The following INSYN2B variants were observed in gnomAD, a reference collection of about 807,000 sequenced individuals.
The protein encoded by INSYN2B is inhibitory synaptic factor family member 2B.
A neutral mutation model predicts 41.2 loss-of-function variants in INSYN2B; 16 were observed. The ratio of observed to expected loss-of-function variants is 0.39; its 90% CI spans 0.26 to 0.59. The LOEUF is 0.59. Ranked by LOEUF, INSYN2B falls within the 20% of genes least tolerant of loss-of-function variation. The probability of loss-of-function intolerance (pLI) is 0.57; values close to 1 mark genes in which losing one functional copy is unlikely to be tolerated. For synonymous variants in INSYN2B, 245 were observed against 244.4 expected (o/e 1.00, Z -0.02); for missense variants, 608 against 646.4 (o/e 0.94, Z 0.64).
In INSYN2B at chr5:169,862,498, G is replaced by A. The variant is rs1771267847; in HGVS notation, c.*1775C>T. 2.0e-5 allele frequency among the ~76,000 whole-genome samples: 3 copies of A among 150,210 alleles called. No homozygotes were observed. Among genetic ancestry groups the A allele is most frequent in the Admixed American group, 2.0e-4 (3 of 15,148 alleles). On this transcript the variant is annotated 3_prime_UTR_variant, in exon 4 of 4. Coordinates refer to ENST00000377365, the MANE Select transcript of INSYN2B (RefSeq NM_001129891.3). ...GGGGCCAACTGACAGTTGATCGTAT[G>A]GATACAGGAAAAAAAAAATCTGTGG...
intron 1 of INSYN2B, among the ~76,000 whole-genome samples, chr5:169,923,990 G>T (rs931228829): frequency 2.6e-5 from 4 of 152,224 alleles, no homozygotes; most frequent in African/African-American, 9.6e-5. Context: ...GATTAATAAC[G>T]TTTATCATTC....
At chr5:169,915,243 C>T (rs1774812130) in intron 1 of INSYN2B, among the ~76,000 whole-genome samples, 1 of 152,058 alleles carries the variant, frequency 6.6e-6, no homozygotes. Context: ...CAAATAAAGG[C>T]TGTGTAATAT....
At chr5:169,867,346 T>A (rs533431812) in intron 3 of INSYN2B, among the ~76,000 whole-genome samples, 21 of 152,282 alleles carry the variant, frequency 1.4e-4, no homozygotes, top group African/African-American at 4.8e-4. Flanking sequence ...CCCAACGTGA[T>A]AACAAAAGAT....
chr5:169,918,129 T>C (rs190386818), intron 1 of INSYN2B, among the ~76,000 whole-genome samples: 3 of 152,244 alleles, frequency 2.0e-5, no homozygotes, highest in Non-Finnish European at 4.4e-5. Flanking sequence ...AAAAATATCC[T>C]GTTCAATTTG....
chr5:169,897,628 G>A (rs545220332), intron 1 of INSYN2B, among the ~76,000 whole-genome samples: 1 of 152,332 alleles, frequency 6.6e-6, no homozygotes, highest in Admixed American at 6.5e-5. Flanking sequence ...CCATGGTTGA[G>A]AGCCTGGGGA....
intron 1 of INSYN2B, among the ~76,000 whole-genome samples, chr5:169,887,829 A>G (rs1017492321): frequency 2.6e-5 from 4 of 152,174 alleles, no homozygotes; most frequent in African/African-American, 9.7e-5. Flanking sequence ...ATGAAGTTCT[A>G]CTAACGTGCA....
chr5:169,889,084 C>T (rs988196919), intron 1 of INSYN2B, among the ~76,000 whole-genome samples: 4 of 152,106 alleles, frequency 2.6e-5, no homozygotes, highest in East Asian at 1.9e-4. Context: ...CTTACCCCTC[C>T]GCTTGACACA....
At chr5:169,961,472 C>T (rs1561852604) in intron 1 of INSYN2B, among the ~76,000 whole-genome samples, 3 of 152,182 alleles carry the variant, frequency 2.0e-5, no homozygotes, top group Non-Finnish European at 2.9e-5. Flanking sequence ...GAAATTTAAA[C>T]GTGTTCATTT....
At chr5:169,955,493 A>C (rs1037750992) in intron 1 of INSYN2B, among the ~76,000 whole-genome samples, 1 of 152,174 alleles carries the variant, frequency 6.6e-6, no homozygotes, top group Non-Finnish European at 1.5e-5. Context: ...TGCGGCTTCT[A>C]CCTTACATCT....
intron 3 of INSYN2B, among the ~76,000 whole-genome samples, chr5:169,871,160 A>G (rs1771944090): frequency 6.6e-6 from 1 of 152,166 alleles, no homozygotes; most frequent in African/African-American, 2.4e-5. Context: ...ATATCATCAC[A>G]TGGGGCATTA....
At chr5:169,962,571 A>C (rs1024230848) in intron 1 of INSYN2B, among the ~76,000 whole-genome samples, 2 of 152,178 alleles carry the variant, frequency 1.3e-5, no homozygotes, top group African/African-American at 4.8e-5. Flanking sequence ...AGATCTGCAA[A>C]TATGTGCTGA....
rs1304317226 is a variant in INSYN2B, at chr5:169,863,319, C to G, written c.*954G>C. 6.6e-6 allele frequency among the ~76,000 whole-genome samples: 1 copy of G among 152,196 alleles called. No individual in the cohort carries two copies. The highest frequency in any genetic ancestry group is 2.4e-5 in the African/African-American group (1 of 41,452). On this transcript the variant is annotated 3_prime_UTR_variant, in exon 4 of 4. Coordinates refer to ENST00000377365, the MANE Select transcript of INSYN2B (RefSeq NM_001129891.3). ...TTTGAACCTATCTACACGGCTGTTT[C>G]TGGGATGAAGGGATGAGAAACAGTG...
chr5:169,960,130 A>G (rs575887618), intron 1 of INSYN2B, among the ~76,000 whole-genome samples: 1 of 152,340 alleles, frequency 6.6e-6, no homozygotes, highest in South Asian at 2.1e-4. Context: ...GATGAAGGCA[A>G]GGTCTACCCT....
intron 1 of INSYN2B, among the ~76,000 whole-genome samples, chr5:169,904,092 A>AAC (rs1774130964): frequency 1.5e-5 from 1 of 67,964 alleles, no homozygotes; most frequent in African/African-American, 1.3e-4. Flanking sequence ...ACTTCGTCTC[A>AAC]AAAAAAAAAA....
intron 1 of INSYN2B, among the ~76,000 whole-genome samples, chr5:169,963,729 G>A (rs1777185158): frequency 6.6e-6 from 1 of 152,002 alleles, no homozygotes; most frequent in Non-Finnish European, 1.5e-5. Flanking sequence ...CTCCCTACCA[G>A]CAGCATTTTT....
At chr5:169,875,507 T>C (rs1244377921) in intron 3 of INSYN2B, 2 of 322,044 alleles carry the variant, frequency 6.2e-6, no homozygotes, top group Admixed American at 4.2e-5. Context: ...CTGTGGAATC[T>C]GGCTTGTTGG....
intron 1 of INSYN2B, among the ~76,000 whole-genome samples, chr5:169,897,479 G>A (rs748691589): frequency 1.1e-4 from 17 of 152,078 alleles, no homozygotes; most frequent in African/African-American, 3.4e-4. Context: ...GTGAGCCACC[G>A]TACTCGGCCA....
At chr5:169,905,634 G>T (rs1774233235) in intron 1 of INSYN2B, among the ~76,000 whole-genome samples, 1 of 152,178 alleles carries the variant, frequency 6.6e-6, no homozygotes, top group African/African-American at 2.4e-5. Flanking sequence ...GAAATAGAGA[G>T]GGATGGGTGT....
intron 1 of INSYN2B, among the ~76,000 whole-genome samples, chr5:169,915,643 A>T (rs1436649652): frequency 6.6e-6 from 1 of 151,862 alleles, no homozygotes; most frequent in African/African-American, 2.4e-5. Context: ...ACAGACAGAG[A>T]CTGAACAGAT....
Sources: allele counts gnomAD v4.1 joint callset (sites outside exome capture counted in the v4.1 genomes callset), GRCh38; gene constraint gnomAD v4.1.1; transcripts MANE v1.5; gene names NCBI Gene and HGNC (gene_info 2026-07-23, HGNC 2026-07-21).